Variants in EML6 observed in about 807,000 individuals in gnomAD.
EML6 encodes EMAP like 6.
A neutral mutation model predicts 240.1 loss-of-function variants in EML6; 154 were observed. The observed-to-expected ratio is 0.64, with a 90% confidence interval of 0.56 to 0.73. The LOEUF is 0.73. Among genes scored for constraint, EML6 ranks in the 30% least tolerant of loss-of-function variants. EML6 has a pLI of 0.00. For missense variants in EML6, 2,964 were observed against 2,474.6 expected (o/e 1.20, Z -4.20); for synonymous variants, 1,148 against 899.0 (o/e 1.28, Z -4.95).
chr2:54,785,847 G>A (rs984024881), intron 2 of EML6, among the ~76,000 whole-genome samples: 2 of 151,812 alleles, frequency 1.3e-5, no homozygotes, highest in African/African-American at 4.8e-5. Flanking sequence ...CCAAAAAAAT[G>A]TTTTAGTGTA....
chr2:54,955,607 A>G (rs1026356072), intron 32 of EML6, among the ~76,000 whole-genome samples: 3 of 152,144 alleles, frequency 2.0e-5, no homozygotes, highest in African/African-American at 7.2e-5. Context: ...TTGTCTTTTT[A>G]GGTTCAGGCT....
intron 2 of EML6, among the ~76,000 whole-genome samples, chr2:54,730,198 G>A (rs1198282561): frequency 6.6e-6 from 1 of 152,028 alleles, no homozygotes; most frequent in African/African-American, 2.4e-5. Flanking sequence ...TTGGAACAAT[G>A]ACCTGAAACA....
chr2:54,971,739 C>T lies in EML6; in HGVS notation c.*1644C>T, dbSNP rs1256171776. The stretch of plus-strand genomic sequence containing the variant: ...CCATGTCTGCCTATCTTGTACTAGA[C>T]TCTTCATGCTGATCGGATCTTGCAT... On this transcript the variant is annotated 3_prime_UTR_variant, in exon 42 of 42. Transcript: ENST00000356458. The T allele has an allele frequency of 2.0e-5, 3 of 152,188 alleles. No homozygotes were observed. The highest frequency in any genetic ancestry group is 4.4e-5 in the Non-Finnish European group (3 of 68,036). The allele number at this position is 152,188 out of a possible 1,614,324, so 9.4% of individuals were successfully genotyped here. A position where few individuals can be genotyped will look rare whatever the true frequency, so the allele number is the denominator to read the frequency against.
chr2:54,794,116 T>G (rs146332622), intron 2 of EML6, among the ~76,000 whole-genome samples: 11 of 152,124 alleles, frequency 7.2e-5, no homozygotes, highest in Non-Finnish European at 1.0e-4. Flanking sequence ...CCCAGTGAAG[T>G]AAGTTGTGTT....
chr2:54,854,520 G>C (rs75637784), intron 11 of EML6, among the ~76,000 whole-genome samples: 3,047 of 152,288 alleles, frequency 0.02, 97 homozygotes, highest in African/African-American at 0.068. Context: ...CCATATTCAG[G>C]CTCTTCTGAG....
chr2:54,749,102 G>T (rs1293194954), intron 2 of EML6, among the ~76,000 whole-genome samples: 1 of 152,190 alleles, frequency 6.6e-6, no homozygotes, highest in Non-Finnish European at 1.5e-5. Context: ...TTCAAAAAGA[G>T]ATGTACCAAT....
At position 54,895,370 on chromosome 2, in the gene EML6, TAA is replaced by T. The variant is rs1173099501; in HGVS notation, c.2953_2954del (p.Lys985GlufsTer34). On this transcript the variant is annotated frameshift_variant, in exon 21 of 42. Transcript: ENST00000356458. LOFTEE classifies it high-confidence loss of function. Reference sequence around the variant, plus strand: ...AAAATGGAGAGATTCTGGAAATTGATAAGAGTGGCCCAATGACACTGCTTGTT... The same window carrying T: ...AAAATGGAGAGATTCTGGAAATTGATGAGTGGCCCAATGACACTGCTTGTT... ...TKNGEILEIDKSGPMTLLVQG... is the reference protein window; with the variant it reads ...TKNGEILEIDXSGPMTLLVQG... 1 of 1,552,054 alleles carries T rather than the reference TAA, an allele frequency of 6.4e-7. No individual in the cohort carries two copies. Among genetic ancestry groups the T allele is most frequent in the Admixed American group, 2.0e-5 (1 of 51,010 alleles).
chr2:54,807,822 A>T (rs905307574), intron 2 of EML6, among the ~76,000 whole-genome samples: 13 of 152,248 alleles, frequency 8.5e-5, no homozygotes, highest in African/African-American at 3.1e-4. Context: ...GCTAAAACTT[A>T]ATCAGTTTTT....
intron 2 of EML6, among the ~76,000 whole-genome samples, chr2:54,788,170 C>T (rs1190883891): frequency 2.0e-5 from 3 of 152,236 alleles, no homozygotes; most frequent in East Asian, 1.9e-4. Flanking sequence ...GCCAGGTTCT[C>T]GCTCACTCGC....
chr2:54,758,111 C>T (rs993570435), intron 2 of EML6, among the ~76,000 whole-genome samples: 1 of 146,278 alleles, frequency 6.8e-6, no homozygotes, highest in African/African-American at 2.5e-5. Context: ...CTTCTGTTCT[C>T]GTATGCATTA....
chr2:54,968,465 G>C (rs1247778673), intron 40 of EML6, among the ~76,000 whole-genome samples, 184 bp downstream of exon 40: 1 of 152,202 alleles, frequency 6.6e-6, no homozygotes, highest in Non-Finnish European at 1.5e-5. Flanking sequence ...GGAGGATGGA[G>C]GGTGGATAAA....
intron 2 of EML6, among the ~76,000 whole-genome samples, chr2:54,781,818 T>C (rs1668869039): frequency 6.6e-6 from 1 of 152,102 alleles, no homozygotes; most frequent in Non-Finnish European, 1.5e-5. Context: ...CACAGGCACA[T>C]GCTGCCACGT....
At chr2:54,779,959 G>A (rs1668777920) in intron 2 of EML6, among the ~76,000 whole-genome samples, 1 of 151,712 alleles carries the variant, frequency 6.6e-6, no homozygotes, top group African/African-American at 2.4e-5. Flanking sequence ...TTAAAAAGTG[G>A]AACAAGATGA....
At chr2:54,961,823 G>A (rs149165212) in intron 35 of EML6, among the ~76,000 whole-genome samples, 312 of 151,772 alleles carry the variant, frequency 2.1e-3, no homozygotes, top group African/African-American at 6.8e-3. Flanking sequence ...GGCCAATATG[G>A]TAAAACCCCA....
intron 28 of EML6, among the ~76,000 whole-genome samples, chr2:54,934,199 G>T (rs1573174320): frequency 6.6e-6 from 1 of 152,160 alleles, no homozygotes; most frequent in Non-Finnish European, 1.5e-5. Context: ...ATATGGAAGT[G>T]AAAAATAAAA....
At chr2:54,767,912 A>G (rs1292667002) in intron 2 of EML6, among the ~76,000 whole-genome samples, 2 of 152,264 alleles carry the variant, frequency 1.3e-5, no homozygotes, top group East Asian at 3.9e-4. Context: ...GTGAGTCAAC[A>G]TGCCAGCCAG....
At chr2:54,803,825 C>CTG (rs560600072) in intron 2 of EML6, among the ~76,000 whole-genome samples, 142 of 152,272 alleles carry the variant, frequency 9.3e-4, no homozygotes, top group South Asian at 2.1e-3. Flanking sequence ...GTGTTAGCTC[C>CTG]TGTGTGTGTG....
rs1279116726 is a variant in EML6 at position 54,859,602 on chromosome 2, C to T, written c.1726C>T (p.Gln576Ter). 6.4e-7 allele frequency: 1 copy of T among 1,551,412 alleles called. No individual in the cohort carries two copies. The highest frequency in any genetic ancestry group is 1.2e-5 in the South Asian group (1 of 84,006). ...AAATGTCCGCTGGTCCCATGACTTT[C>T]AGTGGGTGTTGAGCACAGGAGGGGC... is the stretch of plus-strand genomic sequence containing the variant. ...VTNVRWSHDFQWVLSTGGADH... is the reference protein window; with the variant it reads ...VTNVRWSHDF The change falls in exon 12 of 42, where the codon CAG (glutamine) becomes TAG (stop). Residue 576 changes from glutamine to a stop codon, truncating the protein, a stop_gained. Transcript: ENST00000356458. LOFTEE classifies it high-confidence loss of function.
intron 5 of EML6, among the ~76,000 whole-genome samples, chr2:54,824,680 G>T (rs574279022): frequency 6.6e-6 from 1 of 152,164 alleles, no homozygotes; most frequent in Non-Finnish European, 1.5e-5. Context: ...GTTGAGCATC[G>T]GCTGCTTCAC....
Sources: allele counts gnomAD v4.1 joint callset (sites outside exome capture counted in the v4.1 genomes callset), GRCh38; gene constraint gnomAD v4.1.1; transcripts MANE v1.5; gene names NCBI Gene and HGNC (gene_info 2026-07-23, HGNC 2026-07-21).